Variants in PTPRD observed in about 807,000 individuals in gnomAD.
PTPRD encodes protein tyrosine phosphatase receptor type D, also known as receptor-type tyrosine-protein phosphatase delta.
In PTPRD, 34 loss-of-function variants were observed where a neutral mutation model predicts 214.5. The observed-to-expected ratio is 0.16, with a 90% CI of 0.12 to 0.21. The LOEUF (loss-of-function observed/expected upper bound fraction) is 0.21. Ranked by LOEUF, PTPRD falls within the 10% of genes least tolerant of loss-of-function variation. The probability of loss-of-function intolerance (pLI) is 1.00; values close to 1 mark genes in which losing one functional copy is unlikely to be tolerated. For missense variants in PTPRD, 2,545 were observed against 2,398.7 expected (o/e 1.06, Z -1.27); for synonymous variants, 1,128 against 845.7 (o/e 1.33, Z -5.79).
chr9:8,631,785 T>A (rs1216437399), intron 14 of PTPRD, among the ~76,000 whole-genome samples: 1 of 151,816 alleles, frequency 6.6e-6, no homozygotes, highest in Non-Finnish European at 1.5e-5. Flanking sequence ...CTCTAGGAAA[T>A]CCCTCCCTTG....
At chr9:9,429,586 G>A (rs542830826) in intron 8 of PTPRD, among the ~76,000 whole-genome samples, 51 of 152,274 alleles carry the variant, frequency 3.3e-4, no homozygotes, top group African/African-American at 1.2e-3. Flanking sequence ...AAGCCTGGCA[G>A]AGAAAAAACA....
rs182459619 is a variant in PTPRD, at chr9:9,055,192, G to T, written c.-142-36457C>A. Among the ~76,000 whole-genome samples, 184 of 152,098 alleles carry T rather than the reference G, an allele frequency of 1.2e-3. 4 individuals are homozygous for T. The East Asian group carries it at 0.026, about 22-fold the overall frequency. ...GATATACAAGAAAACATGTATAAAG[G>T]TATTCATTGCAGCATTGCTTATAAG... On this transcript the variant is annotated intron_variant, in intron 10 of 45. Coordinates refer to ENST00000381196, the MANE Select transcript of PTPRD (RefSeq NM_002839.4).
intron 32 of PTPRD, among the ~76,000 whole-genome samples, chr9:8,461,769 G>A (rs1038029928): frequency 6.6e-6 from 1 of 151,900 alleles, no homozygotes; most frequent in African/African-American, 2.4e-5. Flanking sequence ...ATGCCCTGCT[G>A]AGTTAATTAT....
In PTPRD at chr9:9,653,948, CTTTT is replaced by C. The variant is rs1370900182; in HGVS notation, c.-286-79171_-286-79168del. Among the ~76,000 whole-genome samples, 19 of 152,132 alleles carry C rather than the reference CTTTT, an allele frequency of 1.2e-4. No individual in the cohort carries two copies. The South Asian group carries it at 3.9e-3, about 32-fold the overall frequency. On this transcript the variant is annotated intron_variant, in intron 7 of 45. Coordinates refer to ENST00000381196, the MANE Select transcript of PTPRD (RefSeq NM_002839.4). ...TCTGGTGGTTTTTATTATATATAAA[CTTTT>C]TTATTTTTGCTTTGATGTAGCTAAG...
At position 10,003,217 on chromosome 9, in the gene PTPRD, A is replaced by C. The variant is rs372977358; in HGVS notation, c.-472+30501T>G. 1.6e-4 allele frequency among the ~76,000 whole-genome samples: 24 copies of C among 151,926 alleles called. No individual in the cohort carries two copies. The East Asian group carries it at 4.4e-3, about 28-fold the overall frequency. Reference sequence around the variant, plus strand: ...AAGGATATGACACATCCACAGAATTACATGTAGTTATATGCCTAGAATACT... The same window carrying C: ...AAGGATATGACACATCCACAGAATTCCATGTAGTTATATGCCTAGAATACT... On this transcript the variant is annotated intron_variant, in intron 4 of 45. Coordinates refer to ENST00000381196, the MANE Select transcript of PTPRD (RefSeq NM_002839.4).
chr9:10,007,261 T>C (rs1316472240), intron 4 of PTPRD, among the ~76,000 whole-genome samples: 3 of 151,980 alleles, frequency 2.0e-5, no homozygotes, highest in Non-Finnish European at 4.4e-5. Flanking sequence ...TTTTACTTTA[T>C]CATGTTGGAA....
chr9:8,450,110 G>A (rs1286507393), intron 33 of PTPRD, among the ~76,000 whole-genome samples: 2 of 152,084 alleles, frequency 1.3e-5, no homozygotes, highest in Non-Finnish European at 2.9e-5. Context: ...GGTTTCAAAG[G>A]GATCTTGGTG....
intron 7 of PTPRD, among the ~76,000 whole-genome samples, chr9:9,579,674 T>C (rs949060609): frequency 5.9e-5 from 9 of 152,286 alleles, no homozygotes; most frequent in African/African-American, 2.2e-4. Context: ...CAAACTCTCC[T>C]ACCCTTCAGT....
intron 3 of PTPRD, among the ~76,000 whole-genome samples, chr9:10,263,243 C>A (rs1054546656): frequency 6.6e-6 from 1 of 152,124 alleles, no homozygotes; most frequent in Non-Finnish European, 1.5e-5. Flanking sequence ...AAATGTGGAA[C>A]TGACTTTGGA....
intron 9 of PTPRD, among the ~76,000 whole-genome samples, chr9:9,313,836 T>C (rs569090182): frequency 1.3e-5 from 2 of 152,280 alleles, no homozygotes; most frequent in African/African-American, 4.8e-5. Context: ...TATATCTCTT[T>C]AATCCTCATA....
chr9:8,521,926 C>T (rs2097899677), intron 19 of PTPRD, among the ~76,000 whole-genome samples: 1 of 152,124 alleles, frequency 6.6e-6, no homozygotes, highest in African/African-American at 2.4e-5. Flanking sequence ...GAAAAGGGGG[C>T]TGGAAGGTCA....
At chr9:9,825,441 G>A (rs189206516) in intron 5 of PTPRD, among the ~76,000 whole-genome samples, 33 of 151,024 alleles carry the variant, frequency 2.2e-4, no homozygotes, top group Middle Eastern at 3.4e-3. Context: ...AAAGGAGGAA[G>A]AAAGAAAGAG....
chr9:9,613,424 T>C (rs546732842), intron 7 of PTPRD, among the ~76,000 whole-genome samples: 71 of 152,118 alleles, frequency 4.7e-4, no homozygotes, highest in Admixed American at 9.2e-4. Flanking sequence ...CTGGGTGTGA[T>C]AGATAGATAA....
chr9:8,828,826 A>C (rs1057469637), intron 11 of PTPRD, among the ~76,000 whole-genome samples: 2 of 152,108 alleles, frequency 1.3e-5, no homozygotes, highest in African/African-American at 4.8e-5. Flanking sequence ...AATTTGTGAA[A>C]TTCTCCTCTC....
At chr9:10,010,241 C>A (rs1331926627) in intron 4 of PTPRD, among the ~76,000 whole-genome samples, 1 of 151,728 alleles carries the variant, frequency 6.6e-6, no homozygotes, top group Non-Finnish European at 1.5e-5. Context: ...GACCTCAGGG[C>A]AAAGAGACTG....
chr9:9,087,445 T>C (rs549490442), intron 10 of PTPRD, among the ~76,000 whole-genome samples: 9 of 152,338 alleles, frequency 5.9e-5, no homozygotes, highest in Non-Finnish European at 7.3e-5. Context: ...GCAGCCACTG[T>C]ACTCCTGCAT....
chr9:8,317,955 A>G lies in PTPRD; in HGVS notation c.5671-13T>C, dbSNP rs759593173. 4.3e-6 allele frequency: 7 copies of G among 1,610,200 alleles called. No individual in the cohort carries two copies. The East Asian group carries it at 6.7e-5, about 15-fold the overall frequency. On this transcript the variant is annotated splice_polypyrimidine_tract_variant and intron_variant, in intron 45 of 45. Transcript: ENST00000381196. ...ACTGATATTGATCCTGCAGGAGACA[A>G]TGAATGGGGAGAAGCAAAAGAAGGG...
At chr9:9,132,209 C>A (rs990017969) in intron 10 of PTPRD, among the ~76,000 whole-genome samples, 2 of 152,082 alleles carry the variant, frequency 1.3e-5, no homozygotes, top group Non-Finnish European at 2.9e-5. Context: ...GGGGGTTTCA[C>A]CGTGTTAGCC....
chr9:9,610,262 T>C (rs376801655), intron 7 of PTPRD, among the ~76,000 whole-genome samples: 1 of 152,204 alleles, frequency 6.6e-6, no homozygotes, highest in African/African-American at 2.4e-5. Context: ...TATGCAGCCA[T>C]TAAACATATT....
Sources: gnomAD v4.1 joint callset for allele counts (sites outside exome capture counted in the v4.1 genomes callset) on GRCh38, gnomAD v4.1.1 for gene constraint, MANE v1.5 for transcripts, NCBI Gene and HGNC (gene_info 2026-07-23, HGNC 2026-07-21) for gene names.